Variants in RFPL1 observed in about 807,000 individuals in gnomAD.
RFPL1 encodes the protein ret finger protein like 1.
RFPL1 carries 6 observed loss-of-function variants against 9.6 expected under a neutral mutation model. That is an observed-to-expected ratio of 0.62 (90% confidence interval 0.34 to 1.23). The LOEUF is 1.23. Ranked by LOEUF, RFPL1 falls within the 50% of genes most tolerant of loss-of-function variation. RFPL1 has a pLI of 0.03. For missense variants in RFPL1, 352 were observed against 398.4 expected, an observed-to-expected ratio of 0.88 and a Z score of 0.99; for synonymous variants, 145 against 149.4, an observed-to-expected ratio of 0.97 and a Z score of 0.22.
intron 1 of RFPL1, 191 bp downstream of exon 1, chr22:29,439,355 T>G (rs1264171655): frequency 1.1e-6 from 1 of 882,356 alleles, no homozygotes. Context: ...AAAGGCTGGC[T>G]GGGCATGGTG....
At chr22:29,425,983 C>G in the RFPL1 span, among the ~76,000 whole-genome samples, 1 of 151,926 alleles carries the variant, frequency 6.6e-6, no homozygotes. Flanking sequence ...AATATATGGA[C>G]TAATAGATAG....
At chr22:29,402,332 G>C in the RFPL1 span, among the ~76,000 whole-genome samples, 3 of 152,204 alleles carry the variant, frequency 2.0e-5, no homozygotes, top group Non-Finnish European at 4.4e-5. Flanking sequence ...ATCAAATGAG[G>C]ACAGTGGTTC....
At chr22:29,392,173 G>A in the RFPL1 span, among the ~76,000 whole-genome samples, 2 of 151,732 alleles carry the variant, frequency 1.3e-5, no homozygotes, top group Non-Finnish European at 2.9e-5. Flanking sequence ...TCTGCCTCCC[G>A]GGCTCAAGCA....
chr22:29,400,022 G>A, the RFPL1 span, among the ~76,000 whole-genome samples: 257 of 137,776 alleles, frequency 1.9e-3, no homozygotes, highest in African/African-American at 6.5e-3. Context: ...TTGAGACAGC[G>A]TCTGGCTCTG....
At chr22:29,437,629 G>T, upstream of RFPL1, 1 of 1,590,504 alleles carries the variant, frequency 6.3e-7, no homozygotes, top group Non-Finnish European at 8.6e-7. Context: ...CCAGTGGGAG[G>T]TGGGAATCTC....
chr22:29,424,414 C>A, the RFPL1 span, among the ~76,000 whole-genome samples: 1 of 152,146 alleles, frequency 6.6e-6, no homozygotes, highest in Non-Finnish European at 1.5e-5. Context: ...AGGAGCTTCA[C>A]CCACATTACC....
the RFPL1 span, among the ~76,000 whole-genome samples, chr22:29,422,374 T>C: frequency 6.6e-6 from 1 of 151,270 alleles, no homozygotes; most frequent in East Asian, 1.9e-4. Context: ...AGGTTGGGAG[T>C]TTGAGACCAG....
chr22:29,398,314 A>G, the RFPL1 span, among the ~76,000 whole-genome samples: 20 of 152,220 alleles, frequency 1.3e-4, no homozygotes, highest in African/African-American at 4.6e-4. Context: ...GCTTCCAGCT[A>G]GGACTCGTAA....
At chr22:29,426,496 A>G in the RFPL1 span, among the ~76,000 whole-genome samples, 3 of 152,118 alleles carry the variant, frequency 2.0e-5, no homozygotes, top group African/African-American at 7.2e-5. Context: ...TCACACCTGT[A>G]ATCTCAGTAC....
chr22:29,424,838 C>A, the RFPL1 span, among the ~76,000 whole-genome samples: 393 of 108,746 alleles, frequency 3.6e-3, 5 homozygotes, highest in African/African-American at 0.014. Flanking sequence ...CTCCCACCCC[C>A]CCCCCCGCAA....
chr22:29,409,081 C>T, the RFPL1 span, among the ~76,000 whole-genome samples: 1 of 151,074 alleles, frequency 6.6e-6, no homozygotes, highest in Non-Finnish European at 1.5e-5. Context: ...TTTTTTTAAA[C>T]AGCTTTATTT....
At chr22:29,437,920 T>C, upstream of RFPL1, 2 of 521,748 alleles carry the variant, frequency 3.8e-6, no homozygotes, top group Non-Finnish European at 6.5e-6. Flanking sequence ...GCAGTCAATT[T>C]GGTATTCATT....
At chr22:29,388,505 C>T in the RFPL1 span, 1 of 152,218 alleles carries the variant, frequency 6.6e-6, no homozygotes, top group Non-Finnish European at 1.5e-5. Context: ...TCTCGCTCTC[C>T]CGGTGCGTCC....
At chr22:29,401,217 G>A in the RFPL1 span, among the ~76,000 whole-genome samples, 20 of 152,186 alleles carry the variant, frequency 1.3e-4, no homozygotes, top group African/African-American at 4.3e-4. Flanking sequence ...CACCTCATTC[G>A]CTACAACCAT....
chr22:29,422,251 C>CT, the RFPL1 span, among the ~76,000 whole-genome samples: 1 of 152,194 alleles, frequency 6.6e-6, no homozygotes, highest in African/African-American at 2.4e-5. Context: ...TGAGACCAGC[C>CT]TGGCCAACAT....
At chr22:29,420,720 A>G in the RFPL1 span, among the ~76,000 whole-genome samples, 4 of 141,346 alleles carry the variant, frequency 2.8e-5, no homozygotes, top group African/African-American at 5.4e-5. Context: ...GGCTCACCAC[A>G]ACTTCCACAT....
the RFPL1 span, among the ~76,000 whole-genome samples, chr22:29,397,102 T>C: frequency 2.4e-3 from 366 of 150,266 alleles, 1 homozygote; most frequent in African/African-American, 8.6e-3. Flanking sequence ...GTAGAGATGG[T>C]GTTTCACCGT....
chr22:29,424,844 C>CCG, the RFPL1 span, among the ~76,000 whole-genome samples: 2 of 119,900 alleles, frequency 1.7e-5, no homozygotes, highest in Admixed American at 8.5e-5. Context: ...CCCCCCCCCC[C>CCG]GCAAAATTGA....
chr22:29,412,948 C>T, the RFPL1 span, among the ~76,000 whole-genome samples: 1 of 152,070 alleles, frequency 6.6e-6, no homozygotes, highest in African/African-American at 2.4e-5. Flanking sequence ...GGTGCAAGAG[C>T]GCCCCCTGCT....
Sources: gnomAD v4.1 joint callset for allele counts (sites outside exome capture counted in the v4.1 genomes callset) on GRCh38, gnomAD v4.1.1 for gene constraint, MANE v1.5 for transcripts, NCBI Gene and HGNC (gene_info 2026-07-23, HGNC 2026-07-21) for gene names.